The following JAKMIP1 variants were observed in gnomAD, a reference collection of about 807,000 sequenced individuals.
JAKMIP1 encodes janus kinase and microtubule-interacting protein 1.
JAKMIP1 carries 33 observed loss-of-function variants against 113.0 expected under a neutral mutation model. The ratio of observed to expected loss-of-function variants is 0.29; its 90% confidence interval spans 0.22 to 0.39. The LOEUF is 0.39. Among genes scored for constraint, JAKMIP1 ranks in the 10% least tolerant of loss-of-function variants. The pLI, the probability that JAKMIP1 is intolerant of heterozygous loss-of-function variation, is 1.00. For missense variants in JAKMIP1, 813 were observed against 1,080.5 expected, an observed-to-expected ratio of 0.75 and a Z score of 3.47; for synonymous variants, 480 against 459.9, an observed-to-expected ratio of 1.04 and a Z score of -0.56.
chr4:6,142,611 C>T lies in JAKMIP1; in HGVS notation c.-147-29614G>A, dbSNP rs909647810. Among the ~76,000 whole-genome samples the T allele has an allele frequency of 6.6e-5, 10 of 152,220 alleles. No homozygotes were observed. The highest frequency in any genetic ancestry group is 5.2e-4 in the Admixed American group (8 of 15,286). On this transcript the variant is annotated intron_variant, in intron 1 of 20. Transcript: ENST00000409021. This position sits in a 1 kb window ranked among gnomAD's most constrained non-coding sequence, Gnocchi z 5.5. ...AAAATATAGCTGGAGTCTCTGCTCT[C>T]GGACTTAAGAGGCAGCTGGCATTGG...
intron 8 of JAKMIP1, among the ~76,000 whole-genome samples, chr4:6,070,611 G>C (rs551335895): frequency 6.6e-6 from 1 of 152,218 alleles, no homozygotes; most frequent in African/African-American, 2.4e-5. Context: ...CCAGACAATC[G>C]CAAGGCCCCC....
intron 8 of JAKMIP1, among the ~76,000 whole-genome samples, chr4:6,075,965 T>C (rs911365599): frequency 3.3e-5 from 5 of 152,116 alleles, no homozygotes; most frequent in Admixed American, 1.3e-4. Flanking sequence ...TCACTTGAGG[T>C]CTGGAGTTTG....
At position 6,046,744 on chromosome 4, in the gene JAKMIP1, C is replaced by T. The variant is rs367608443; in HGVS notation, c.2028+2113G>A. Among the ~76,000 whole-genome samples, 11 of 152,284 alleles carry T rather than the reference C, an allele frequency of 7.2e-5. No homozygotes were observed. In the East Asian group the frequency reaches 1.5e-3, roughly 21 times the overall value. ...TCACAGATGCCCAGAGGATGAGGAG[C>T]GCTGGGGACCTAAGGTGCAGGCCTG... On this transcript the variant is annotated intron_variant, in intron 16 of 20. Coordinates refer to ENST00000409021, the MANE Select transcript of JAKMIP1 (RefSeq NM_001099433.2).
intron 1 of JAKMIP1, among the ~76,000 whole-genome samples, chr4:6,171,204 T>TCACCATCATCACCACCAC (rs1372845600): frequency 7.2e-6 from 1 of 138,890 alleles, no homozygotes; most frequent in Non-Finnish European, 1.6e-5. Context: ...ATCACCACCA[T>TCACCATCATCACCACCAC]CACCATCATC....
Position 6,080,143 on chromosome 4 carries a change from GGCAGCCGCGCCAGCTGTGCTAGAT to G in JAKMIP1, c.1242+5_1242+28del. On this transcript the variant is annotated splice_donor_5th_base_variant and intron_variant, in intron 7 of 20. Transcript: ENST00000409021. This position sits in a 1 kb window ranked among gnomAD's most constrained non-coding sequence, Gnocchi z 6.0. ...GTCAGCTGGTGCCACCCCTGCCAGGGGCAGCCGCGCCAGCTGTGCTAGATGTACCAGTGAGAGGTCGTCAATGAC... is the reference window on the plus strand; with the variant it reads ...GTCAGCTGGTGCCACCCCTGCCAGGGGTACCAGTGAGAGGTCGTCAATGAC... The G allele has an allele frequency of 6.4e-7, 1 of 1,558,108 alleles. No individual in the cohort carries two copies. The highest frequency in any genetic ancestry group is 8.7e-7 in the Non-Finnish European group (1 of 1,150,486).
rs865837893 is a variant in JAKMIP1, at chr4:6,060,459, C to T, written c.1609G>A (p.Glu537Lys). The change falls in exon 11 of 21, where the codon GAA (glutamate) becomes AAA (lysine). Residue 537 changes from glutamate to lysine, a missense_variant. Transcript: ENST00000409021. ...TCAACCAGTAACTTCTCCAAATCTT[C>T]GATTTTGGCCTGACACCTCAGCAGA... ...ADLLRCQAKI[E>K]DLEKLLVEKG... 2.5e-6 allele frequency: 4 copies of T among 1,614,036 alleles called. No individual in the cohort carries two copies. Among genetic ancestry groups the T allele is most frequent in the Admixed American group, 1.7e-5 (1 of 60,016 alleles).
chr4:6,105,375 G>T, intron 3 of JAKMIP1, 98 bp downstream of exon 3: 1 of 1,267,990 alleles, frequency 7.9e-7, no homozygotes, highest in Non-Finnish European at 1.1e-6. Context: ...TTTGAACAAT[G>T]CCTGGAGCAC....
In JAKMIP1 at chr4:6,183,827, G is replaced by A. The variant is rs1406580449; in HGVS notation, c.-148+16426C>T. Among the ~76,000 whole-genome samples, 2 of 152,178 alleles carry A rather than the reference G, an allele frequency of 1.3e-5. No homozygotes were observed. The highest frequency in any genetic ancestry group is 2.9e-5 in the Non-Finnish European group (2 of 68,038). On this transcript the variant is annotated intron_variant, in intron 1 of 20. Coordinates refer to ENST00000409021, the MANE Select transcript of JAKMIP1 (RefSeq NM_001099433.2). This position sits in a 1 kb window ranked among gnomAD's most constrained non-coding sequence, Gnocchi z 5.3. ...GACAGCCTCTCCTGTCATCTCCAGTGAAATGCACTCTGAGAATGCAAGACA... is the reference window on the plus strand; with the variant it reads ...GACAGCCTCTCCTGTCATCTCCAGTAAAATGCACTCTGAGAATGCAAGACA...
At chr4:6,122,102 T>C (rs960837560) in intron 1 of JAKMIP1, among the ~76,000 whole-genome samples, 10 of 152,190 alleles carry the variant, frequency 6.6e-5, no homozygotes, top group Non-Finnish European at 1.2e-4. Flanking sequence ...CTTAGCACTT[T>C]GGGAGGCCGA....
At chr4:6,054,863 G>T (rs1716146133) in intron 12 of JAKMIP1, 1 of 456,706 alleles carries the variant, frequency 2.2e-6, no homozygotes, top group Non-Finnish European at 4.4e-6. Flanking sequence ...ATTACAGAAG[G>T]CTAGAGGGGG....
At chr4:6,123,407 A>C (rs974673186) in intron 1 of JAKMIP1, among the ~76,000 whole-genome samples, 5 of 152,262 alleles carry the variant, frequency 3.3e-5, no homozygotes. Context: ...CAAAAGGCGA[A>C]GACACAGGCA....
chr4:6,033,598 C>T (rs998208356), intron 19 of JAKMIP1, among the ~76,000 whole-genome samples: 29 of 152,240 alleles, frequency 1.9e-4, no homozygotes, highest in African/African-American at 6.0e-4. Flanking sequence ...TTGAGGCTCA[C>T]GGAGGTGAAC....
chr4:6,032,524 A>G (rs1712848418), intron 19 of JAKMIP1, among the ~76,000 whole-genome samples: 1 of 152,124 alleles, frequency 6.6e-6, no homozygotes, highest in African/African-American at 2.4e-5. Context: ...CTGTCCTCAA[A>G]GGACTCGTGT....
At chr4:6,126,066 AACAC>A (rs1368683605) in intron 1 of JAKMIP1, among the ~76,000 whole-genome samples, 3 of 147,188 alleles carry the variant, frequency 2.0e-5, no homozygotes, top group East Asian at 2.1e-4. Flanking sequence ...ACCGTGCAGA[AACAC>A]ACACACAAAC....
rs1009638825 is a variant in JAKMIP1, at chr4:6,059,339, C to T, written c.1644+1085G>A. Among the ~76,000 whole-genome samples the T allele has an allele frequency of 6.6e-6, 1 of 152,210 alleles. No homozygotes were observed. Reference sequence around the variant, plus strand: ...GCCCTGCGGCAGCCATTCTGAGCTGCCAGCTTTGCAGCTTTGCAGCTTTGC... The same window carrying T: ...GCCCTGCGGCAGCCATTCTGAGCTGTCAGCTTTGCAGCTTTGCAGCTTTGC... On this transcript the variant is annotated intron_variant, in intron 11 of 20. Transcript: ENST00000409021. This position sits in a 1 kb window ranked among gnomAD's most constrained non-coding sequence, Gnocchi z 4.8.
At chr4:6,166,633 C>T (rs77210661) in intron 1 of JAKMIP1, among the ~76,000 whole-genome samples, 1,980 of 152,348 alleles carry the variant, frequency 0.013, 45 homozygotes, top group African/African-American at 0.045. Context: ...TCATTATCTA[C>T]TATGTCAGGC....
In JAKMIP1 at chr4:6,140,584, G is replaced by A. The variant is rs549000925; in HGVS notation, c.-147-27587C>T. 1.1e-4 allele frequency among the ~76,000 whole-genome samples: 17 copies of A among 152,242 alleles called. No homozygotes were observed. Among genetic ancestry groups the A allele is most frequent in the Admixed American group, 3.3e-4 (5 of 15,298 alleles). Reference sequence around the variant, plus strand: ...CCGCTAGGTGACAGTGGTTCACAGCGTAAGGACCTCTGTCCCCACTGCTCC... The same window carrying A: ...CCGCTAGGTGACAGTGGTTCACAGCATAAGGACCTCTGTCCCCACTGCTCC... On this transcript the variant is annotated intron_variant, in intron 1 of 20. Coordinates refer to ENST00000409021, the MANE Select transcript of JAKMIP1 (RefSeq NM_001099433.2). This position sits in a 1 kb window ranked among gnomAD's most constrained non-coding sequence, Gnocchi z 9.4.
intron 12 of JAKMIP1, chr4:6,054,874 G>C: frequency 2.2e-6 from 1 of 456,580 alleles, no homozygotes; most frequent in Non-Finnish European, 4.4e-6. Flanking sequence ...CTAGAGGGGG[G>C]CCCTCTGCCA....
Position 6,155,764 on chromosome 4 carries a change from A to G in JAKMIP1, c.-147-42767T>C, listed in dbSNP as rs1714992311. Among the ~76,000 whole-genome samples the G allele has an allele frequency of 6.6e-6, 1 of 152,192 alleles. No homozygotes were observed. The highest frequency in any genetic ancestry group is 1.5e-5 in the Non-Finnish European group (1 of 68,028). ...ATAGTGTCCTTTAAGCTGAAGCTCT[A>G]TCATCTCAAATTTTGCTCTGAAGGC... On this transcript the variant is annotated intron_variant, in intron 1 of 20. Transcript: ENST00000409021. This position sits in a 1 kb window ranked among gnomAD's most constrained non-coding sequence, Gnocchi z 6.1.
Sources: gnomAD v4.1 joint callset for allele counts (sites outside exome capture counted in the v4.1 genomes callset) on GRCh38, gnomAD v4.1.1 for gene constraint, Gnocchi (gnomAD v3.1) non-coding constraint, MANE v1.5 for transcripts, NCBI Gene and HGNC (gene_info 2026-07-23, HGNC 2026-07-21) for gene names.